The following INO80D variants were observed in gnomAD, a reference collection of about 807,000 sequenced individuals.
INO80D encodes the protein INO80 complex subunit D.
In INO80D, 21 loss-of-function variants were observed where a neutral mutation model predicts 87.6. That is an observed-to-expected ratio of 0.24 (90% CI 0.17 to 0.35). INO80D has a LOEUF of 0.35. INO80D is among the 10% of genes least tolerant of loss of function. INO80D has a pLI of 1.00. For missense variants in INO80D, 982 were observed against 1,280.7 expected, an observed-to-expected ratio of 0.77 and a Z score of 3.56; for synonymous variants, 440 against 491.0, an observed-to-expected ratio of 0.90 and a Z score of 1.37.
intron 1 of INO80D, among the ~76,000 whole-genome samples, chr2:206,070,859 AG>A (rs1361715293): frequency 2.0e-5 from 3 of 150,366 alleles, no homozygotes; most frequent in Non-Finnish European, 4.4e-5. Context: ...AAAAGCCTGA[AG>A]CCAGTCTCTT....
intron 8 of INO80D, among the ~76,000 whole-genome samples, chr2:206,010,264 CTTT>C (rs773670082): frequency 8.5e-4 from 120 of 140,884 alleles, no homozygotes; most frequent in Non-Finnish European, 1.7e-3. Flanking sequence ...GACCACAATT[CTTT>C]TTTTTTTTTT....
intron 4 of INO80D, among the ~76,000 whole-genome samples, chr2:206,049,523 G>A (rs1689290459): frequency 6.6e-6 from 1 of 152,086 alleles, no homozygotes; most frequent in Non-Finnish European, 1.5e-5. Flanking sequence ...TTTCTCTGAG[G>A]AAGTCAAGAT....
rs746834266 is a variant in INO80D, at chr2:206,062,755, C to A, written c.218+44G>T. On this transcript the variant is annotated intron_variant, in intron 3 of 10. Coordinates refer to ENST00000403263, the MANE Select transcript of INO80D (RefSeq NM_017759.5). The surrounding 1 kb of genome is among the most constrained non-coding windows in gnomAD (Gnocchi z 4.6). ...AAACAAGAAAAGAAAAAATTCCAAG[C>A]CTGTTAATGAAATCAAGGATTGATT... 4.5e-5 allele frequency: 68 copies of A among 1,496,840 alleles called. No individual in the cohort carries two copies. The highest frequency in any genetic ancestry group is 6.1e-5 in the Non-Finnish European group (67 of 1,107,102). The allele number at this position is 1,496,840 out of a possible 1,614,324, so 92.7% of individuals were successfully genotyped here.
rs1217336044 is a variant in INO80D, at chr2:206,003,870, C to T, written c.*498G>A. The T allele has an allele frequency of 4.7e-4, 78 of 165,000 alleles. No individual in the cohort carries two copies. The highest frequency in any genetic ancestry group is 4.0e-5 in the Non-Finnish European group (3 of 74,168). The allele number at this position is 165,000 out of a possible 1,614,324, so 10.2% of individuals were successfully genotyped here. A position where few individuals can be genotyped will look rare whatever the true frequency, so the allele number is the denominator to read the frequency against. ...CATGATCACAATTACGAATGGAATC[C>T]TGGCCTCACTGTGGTGTTTAGCAGT... On this transcript the variant is annotated 3_prime_UTR_variant, in exon 11 of 11. Transcript: ENST00000403263.
chr2:206,057,610 G>C (rs1689559675), intron 3 of INO80D, among the ~76,000 whole-genome samples: 1 of 152,046 alleles, frequency 6.6e-6, no homozygotes, highest in African/African-American at 2.4e-5. Flanking sequence ...TACAGAAATT[G>C]ATGAACTTGC....
chr2:205,993,973 T>C lies in INO80D; in HGVS notation c.*10395A>G, dbSNP rs1188934052. 7 of 152,172 alleles carry C rather than the reference T, an allele frequency of 4.6e-5. No homozygotes were observed. The highest frequency in any genetic ancestry group is 1.7e-4 in the African/African-American group (7 of 41,436). The allele number at this position is 152,172 out of a possible 1,614,324, so 9.4% of individuals were successfully genotyped here. On this transcript the variant is annotated 3_prime_UTR_variant, in exon 11 of 11. Transcript: ENST00000403263. ...TTAAAACAGTAATACAGTACATTCA[T>C]TGAGATATATATGGAAAATGTGAGC...
In INO80D at chr2:206,003,063, C is replaced by T. The variant is rs1286546513; in HGVS notation, c.*1305G>A. On this transcript the variant is annotated 3_prime_UTR_variant, in exon 11 of 11. Transcript: ENST00000403263. ...AAATCCTGGCATTTTAAAAACATTT[C>T]CCAAAGCTATTTTCAAATTTACTTA... 3 of 152,144 alleles carry T rather than the reference C, an allele frequency of 2.0e-5. No individual in the cohort carries two copies. The highest frequency in any genetic ancestry group is 7.2e-5 in the African/African-American group (3 of 41,422). The allele number at this position is 152,144 out of a possible 1,614,324, so 9.4% of individuals were successfully genotyped here. A position where few individuals can be genotyped will look rare whatever the true frequency, so the allele number is the denominator to read the frequency against.
intron 5 of INO80D, among the ~76,000 whole-genome samples, chr2:206,039,759 G>A (rs1208072562): frequency 7.6e-5 from 11 of 144,778 alleles, no homozygotes; most frequent in African/African-American, 2.3e-4. Flanking sequence ...GCAGTGAGCC[G>A]AGATTGCACC....
At chr2:206,042,552 G>T (rs1298735512) in intron 5 of INO80D, among the ~76,000 whole-genome samples, 1 of 151,930 alleles carries the variant, frequency 6.6e-6, no homozygotes, top group African/African-American at 2.4e-5. Context: ...CGTGGTGGCT[G>T]GCGCCTGTAA....
chr2:206,019,737 T>C lies in INO80D; in HGVS notation c.1407A>G (p.Gln469=), dbSNP rs777159179. ...KALPFTRHCF[Q]HILLNHSQQL... Reference sequence around the variant, plus strand: ...CATTCCATTTAGTTGAAAGGATACGTTGGAAACAATGTCTGGTGAATGGAA... The same window carrying C: ...CATTCCATTTAGTTGAAAGGATACGCTGGAAACAATGTCTGGTGAATGGAA... The change falls in exon 7 of 11, where the codon CAA becomes CAG. Residue 469 remains glutamine (Q), a splice_region_variant and synonymous_variant. Coordinates refer to ENST00000403263, the MANE Select transcript of INO80D (RefSeq NM_017759.5). The C allele has an allele frequency of 4.3e-6, 7 of 1,612,222 alleles. No individual in the cohort carries two copies. Among genetic ancestry groups the C allele is most frequent in the African/African-American group, 2.7e-5 (2 of 75,048 alleles).
intron 4 of INO80D, among the ~76,000 whole-genome samples, chr2:206,048,378 C>T (rs959076301): frequency 6.6e-6 from 1 of 152,082 alleles, no homozygotes; most frequent in East Asian, 1.9e-4. Flanking sequence ...GCACTACAGA[C>T]AGCACCACCA....
Position 206,009,720 on chromosome 2 carries a change from C to T in INO80D, c.1617G>A (p.Lys539=), listed in dbSNP as rs1352089318. Residue 539 remains lysine (K), a synonymous_variant, in exon 9 of 11, where the codon AAG becomes AAA. Coordinates refer to ENST00000403263, the MANE Select transcript of INO80D (RefSeq NM_017759.5). ...TGTGTTTTTTGGTTAGTGCAGGAGG[C>T]TTGGTTTTTTTCCTGGGTTTCCTCT... is the stretch of plus-strand genomic sequence containing the variant. ...QQQRKPRKKT[K]PPALTKKHKK... 1.2e-6 allele frequency: 2 copies of T among 1,613,772 alleles called. No homozygotes were observed. The highest frequency in any genetic ancestry group is 1.7e-6 in the Non-Finnish European group (2 of 1,179,886).
At chr2:206,037,408 C>G (rs940761967) in intron 5 of INO80D, among the ~76,000 whole-genome samples, 1 of 152,022 alleles carries the variant, frequency 6.6e-6, no homozygotes, top group Non-Finnish European at 1.5e-5. Flanking sequence ...ACAGGAGAAT[C>G]AGAAAGAGGC....
intron 1 of INO80D, among the ~76,000 whole-genome samples, chr2:206,080,215 A>G (rs1690237380): frequency 6.6e-6 from 1 of 152,154 alleles, no homozygotes; most frequent in Non-Finnish European, 1.5e-5. Flanking sequence ...GCTCCTACCA[A>G]TCAAGTCAGG....
chr2:206,013,279 C>G (rs189041775), intron 8 of INO80D, among the ~76,000 whole-genome samples: 4 of 152,098 alleles, frequency 2.6e-5, no homozygotes, highest in Admixed American at 2.0e-4. Context: ...GGAGGCCAGG[C>G]GCGGTGGCTT....
At chr2:206,056,964 T>C (rs998600890) in intron 3 of INO80D, 21 bp from the exon 4 acceptor site, 1 of 1,544,990 alleles carries the variant, frequency 6.5e-7, no homozygotes, top group African/African-American at 1.4e-5. Flanking sequence ...CACACATACA[T>C]GGGAAAACAG....
rs138489121 is a variant in INO80D at position 206,055,955 on chromosome 2, T to C, written c.964+243A>G. ...TACTATGCTGTTTTATATCAGGATC[T>C]TGAGTATCCTCAAATTTTAGTGCCT... On this transcript the variant is annotated intron_variant, in intron 4 of 10. Transcript: ENST00000403263. 4.6e-5 allele frequency among the ~76,000 whole-genome samples: 7 copies of C among 152,352 alleles called. No homozygotes were observed. In the East Asian group the frequency reaches 1.3e-3, roughly 29 times the overall value.
intron 5 of INO80D, among the ~76,000 whole-genome samples, chr2:206,041,491 G>A (rs1689049998): frequency 6.6e-6 from 1 of 152,118 alleles, no homozygotes; most frequent in Non-Finnish European, 1.5e-5. Context: ...AATAATAAAA[G>A]GCCACTTCAT....
chr2:206,038,642 G>C (rs552446482), intron 5 of INO80D, among the ~76,000 whole-genome samples: 9 of 152,188 alleles, frequency 5.9e-5, no homozygotes, highest in South Asian at 2.1e-4. Context: ...AAGTGGCCTG[G>C]GCAACATGGT....
Sources: allele counts gnomAD v4.1 joint callset (sites outside exome capture counted in the v4.1 genomes callset), GRCh38; gene constraint gnomAD v4.1.1; non-coding constraint Gnocchi (gnomAD v3.1); transcripts MANE v1.5; gene names NCBI Gene and HGNC (gene_info 2026-07-23, HGNC 2026-07-21).